Variants in XPO6 observed in about 807,000 individuals in gnomAD.
The protein encoded by XPO6 is exportin-6.
A neutral mutation model predicts 130.0 loss-of-function variants in XPO6; 3 were observed. The ratio of observed to expected loss-of-function variants is 0.02; its 90% CI spans 0.01 to 0.06. The LOEUF is 0.06. Among genes scored for constraint, XPO6 ranks in the 10% least tolerant of loss-of-function variants. XPO6 has a pLI of 1.00. For synonymous variants in XPO6, 524 were observed against 548.9 expected, an observed-to-expected ratio of 0.95 and a Z score of 0.63; for missense variants, 970 against 1,393.0, an observed-to-expected ratio of 0.70 and a Z score of 4.83.
rs1389222285 is a variant in XPO6 at position 28,148,147 on chromosome 16, G to C, written c.1225-1944C>G. ...CAGATGCATATGGAAGTGCCTTTGG[G>C]AAAGGTTACCACATAAATCCAAGTA... On this transcript the variant is annotated intron_variant, in intron 8 of 23. Coordinates refer to ENST00000304658, the MANE Select transcript of XPO6 (RefSeq NM_015171.4). Among the ~76,000 whole-genome samples the C allele has an allele frequency of 2.6e-5, 4 of 152,304 alleles. No individual in the cohort carries two copies. The South Asian group carries it at 8.3e-4, about 32-fold the overall frequency.
intron 15 of XPO6, 21 bp downstream of exon 15, chr16:28,117,297 T>C: frequency 6.2e-7 from 1 of 1,613,130 alleles, no homozygotes; most frequent in Non-Finnish European, 8.5e-7. Context: ...ATAAAAGGTG[T>C]AGGCTTTGCT....
At chr16:28,166,473 AAAG>A (rs764055560) in intron 6 of XPO6, 32 bp downstream of exon 6, 4 of 1,556,482 alleles carry the variant, frequency 2.6e-6, no homozygotes, top group South Asian at 1.2e-5. Flanking sequence ...ATACATTTAA[AAAG>A]AAGAATGCCT....
At chr16:28,150,598 C>T (rs1407750252) in intron 8 of XPO6, among the ~76,000 whole-genome samples, 1 of 152,094 alleles carries the variant, frequency 6.6e-6, no homozygotes, top group Non-Finnish European at 1.5e-5. Context: ...ATAAGACATG[C>T]CTACTTTAAA....
At chr16:28,105,925 T>C in intron 20 of XPO6, 118 bp downstream of exon 20, 1 of 1,459,660 alleles carries the variant, frequency 6.9e-7, no homozygotes, top group South Asian at 1.3e-5. Flanking sequence ...GAAACTACTT[T>C]ACAAGCATAT....
intron 4 of XPO6, among the ~76,000 whole-genome samples, chr16:28,173,799 A>G (rs2043492788): frequency 6.6e-6 from 1 of 152,160 alleles, no homozygotes; most frequent in South Asian, 2.1e-4. Flanking sequence ...CCTTCACCTA[A>G]AAGTGCTCTC....
chr16:28,146,418 G>A, intron 8 of XPO6: 2 of 493,734 alleles, frequency 4.1e-6, no homozygotes, highest in Non-Finnish European at 7.3e-6. Context: ...CACATCATGA[G>A]GGAGATACTG....
At chr16:28,203,844 G>A (rs1312044362) in intron 1 of XPO6, among the ~76,000 whole-genome samples, 1 of 152,306 alleles carries the variant, frequency 6.6e-6, no homozygotes, top group South Asian at 2.1e-4. Context: ...CAGGCATGGT[G>A]TAACATCTGG....
chr16:28,121,783 A>G, intron 13 of XPO6, 21 bp from the exon 14 acceptor site: 1 of 1,525,590 alleles, frequency 6.6e-7, no homozygotes, highest in Non-Finnish European at 9.1e-7. Context: ...AGAGGCAGGT[A>G]AACAAGAACA....
intron 8 of XPO6, among the ~76,000 whole-genome samples, chr16:28,149,520 T>G (rs961649175): frequency 5.3e-5 from 8 of 152,232 alleles, no homozygotes; most frequent in Non-Finnish European, 1.0e-4. Flanking sequence ...ATAACCCCTG[T>G]ATTTTTATTC....
intron 9 of XPO6, among the ~76,000 whole-genome samples, chr16:28,138,293 T>C (rs765539274): frequency 6.6e-6 from 1 of 152,158 alleles, no homozygotes; most frequent in Non-Finnish European, 1.5e-5. Context: ...GATCAAAATA[T>C]TTCCACAATT....
At chr16:28,113,787 T>TATG (rs78744295) in intron 15 of XPO6, among the ~76,000 whole-genome samples, 2 of 152,140 alleles carry the variant, frequency 1.3e-5, no homozygotes, top group Non-Finnish European at 2.9e-5. Context: ...CAGAATTCTT[T>TATG]ATAATTTTTT....
intron 20 of XPO6, among the ~76,000 whole-genome samples, 177 bp from the exon 21 acceptor site, chr16:28,104,884 C>A (rs1313806177): frequency 6.6e-6 from 1 of 152,246 alleles, no homozygotes; most frequent in Non-Finnish European, 1.5e-5. Flanking sequence ...CCTGTCACTG[C>A]CTGTGCAAAA....
At position 28,166,585 on chromosome 16, in the gene XPO6, C is replaced by T. The variant is rs377178961; in HGVS notation, c.566G>A (p.Gly189Asp). 2.1e-5 allele frequency: 33 copies of T among 1,581,478 alleles called. No homozygotes were observed. The African/African-American group carries it at 4.3e-4, about 21-fold the overall frequency. Residue 189 changes from glycine (G) to aspartate (D), a missense_variant and splice_region_variant, in exon 6 of 24, where the codon GGT (glycine) becomes GAT (aspartate). This residue lies in a region of XPO6 where 936 missense variants were observed against 1,306.8 expected (regional missense o/e 0.72). Transcript: ENST00000304658. ...QVQTVLGLLT[G>D]ILETVWDKHS... ...TTTGTCCCAGACAGTCTCCAAGATACCTACCAAGAAAGGAGAAACAGAGTT... is the reference window on the plus strand; with the variant it reads ...TTTGTCCCAGACAGTCTCCAAGATATCTACCAAGAAAGGAGAAACAGAGTT...
chr16:28,146,600 C>A (rs551685318), intron 8 of XPO6, among the ~76,000 whole-genome samples: 27 of 152,146 alleles, frequency 1.8e-4, no homozygotes, highest in Non-Finnish European at 3.2e-4. Context: ...TCCCTTTACC[C>A]CCAGCCAATG....
Position 28,211,565 on chromosome 16 carries a change from A to T in XPO6, c.-197T>A. ...CGGGTCGCCTCATCGGGGGACCCCG[A>T]GACAATTCATCCAGACCCACCCGCC... On this transcript the variant is annotated 5_prime_UTR_variant, in exon 1 of 24. Coordinates refer to ENST00000304658, the MANE Select transcript of XPO6 (RefSeq NM_015171.4). 2 of 458,164 alleles carry T rather than the reference A, an allele frequency of 4.4e-6. No homozygotes were observed. The highest frequency in any genetic ancestry group is 3.7e-6 in the Non-Finnish European group (1 of 269,472). 28.4% of individuals were successfully genotyped at this position (458,164 alleles called of 1,614,324 possible). A position where few individuals can be genotyped will look rare whatever the true frequency, so the allele number is the denominator to read the frequency against.
intron 2 of XPO6, 115 bp downstream of exon 2, chr16:28,180,826 A>G: frequency 1.3e-6 from 1 of 754,714 alleles, no homozygotes; most frequent in Non-Finnish European, 2.0e-6. Context: ...GAAAAGAGCA[A>G]GAATTCAAGT....
Position 28,133,821 on chromosome 16 carries a change from TC to T in XPO6, c.1536+19del, listed in dbSNP as rs1275215877. The T allele has an allele frequency of 5.6e-6, 9 of 1,612,672 alleles. No homozygotes were observed. Among genetic ancestry groups the T allele is most frequent in the Non-Finnish European group, 6.8e-6 (8 of 1,179,134 alleles). On this transcript the variant is annotated intron_variant, in intron 11 of 23. Coordinates refer to ENST00000304658, the MANE Select transcript of XPO6 (RefSeq NM_015171.4). ...ACAGAGAAATCGCTACACTCTCCAC[TC>T]CCCCGGACAGCACATTACCAGTGTG...
chr16:28,144,228 T>C (rs2042944271), intron 9 of XPO6, among the ~76,000 whole-genome samples: 1 of 152,214 alleles, frequency 6.6e-6, no homozygotes. Flanking sequence ...CTACCTATAA[T>C]CACACATGTG....
At chr16:28,198,674 A>T (rs1191158637) in intron 1 of XPO6, among the ~76,000 whole-genome samples, 1 of 151,968 alleles carries the variant, frequency 6.6e-6, no homozygotes, top group Non-Finnish European at 1.5e-5. Flanking sequence ...AAAATTTAAA[A>T]AAAAAAGAAA....
Sources: allele counts gnomAD v4.1 joint callset (sites outside exome capture counted in the v4.1 genomes callset), GRCh38; gene constraint gnomAD v4.1.1; regional missense constraint gnomAD v4.1.1; transcripts MANE v1.5; gene names NCBI Gene and HGNC (gene_info 2026-07-23, HGNC 2026-07-21).